LATS2: variants seen among roughly 807,000 people sequenced by gnomAD.
LATS2 encodes serine/threonine-protein kinase LATS2.
A neutral mutation model predicts 76.0 loss-of-function variants in LATS2; 24 were observed. The observed-to-expected ratio is 0.32, with a 90% confidence interval of 0.23 to 0.44. The LOEUF (loss-of-function observed/expected upper bound fraction) is 0.44. Ranked by LOEUF, LATS2 falls within the 20% of genes least tolerant of loss-of-function variation. LATS2 has a pLI of 1.00. For synonymous variants in LATS2, 692 were observed against 635.4 expected (o/e 1.09, Z -1.34); for missense variants, 1,286 against 1,481.2 (o/e 0.87, Z 2.16).
At chr13:21,054,719 A>T (rs1873394232) in intron 1 of LATS2, among the ~76,000 whole-genome samples, 1 of 93,494 alleles carries the variant, frequency 1.1e-5, no homozygotes, top group South Asian at 5.3e-4. Context: ...AAGAAATACT[A>T]AGTGGCCGTG....
rs1419231410 is a variant in LATS2, at chr13:21,058,407, A to T, written c.-205+2939T>A. ...TTCCTCTGTTTATGGTCAATTTATC[A>T]GCTTCAATCCCCACCCTACCCCACC... On this transcript the variant is annotated intron_variant, in intron 1 of 7. Transcript: ENST00000382592. Among the ~76,000 whole-genome samples, 5 of 152,234 alleles carry T rather than the reference A, an allele frequency of 3.3e-5. No individual in the cohort carries two copies. The East Asian group carries it at 9.6e-4, about 29-fold the overall frequency.
At chr13:21,053,052 C>T (rs1038191081) in intron 1 of LATS2, among the ~76,000 whole-genome samples, 2 of 151,902 alleles carry the variant, frequency 1.3e-5, no homozygotes, top group African/African-American at 4.8e-5. Context: ...CTGGCCAACA[C>T]GGTGAAACCC....
At chr13:21,016,294 A>AT (rs991586365) in intron 2 of LATS2, among the ~76,000 whole-genome samples, 87 of 145,682 alleles carry the variant, frequency 6.0e-4, no homozygotes, top group Middle Eastern at 8.3e-3. Flanking sequence ...GCCTATTTTT[A>AT]TTTTTTTTGA....
At chr13:21,011,292 G>T (rs922292294) in intron 2 of LATS2, among the ~76,000 whole-genome samples, 2 of 152,204 alleles carry the variant, frequency 1.3e-5, no homozygotes, top group Non-Finnish European at 2.9e-5. Flanking sequence ...TCAACTTCTG[G>T]ATGAAAGTTG....
At chr13:21,009,287 T>C (rs925152397) in intron 2 of LATS2, among the ~76,000 whole-genome samples, 1 of 152,200 alleles carries the variant, frequency 6.6e-6, no homozygotes, top group South Asian at 2.1e-4. Context: ...ATGCTGCACA[T>C]TCAACCCGGA....
chr13:21,006,151 G>T (rs1276430939), intron 2 of LATS2, among the ~76,000 whole-genome samples: 4 of 149,450 alleles, frequency 2.7e-5, no homozygotes. Context: ...AAAAAAGAAA[G>T]AAAGAAAAGG....
chr13:21,039,103 G>A (rs111993526), intron 2 of LATS2, among the ~76,000 whole-genome samples: 7 of 152,262 alleles, frequency 4.6e-5, no homozygotes, highest in South Asian at 2.1e-4. Context: ...GGTATGTGGT[G>A]TGCCTTCTGG....
chr13:21,048,227 G>C (rs552663038), intron 1 of LATS2, among the ~76,000 whole-genome samples: 17 of 152,334 alleles, frequency 1.1e-4, no homozygotes, highest in African/African-American at 4.1e-4. Context: ...AAACGGAGAG[G>C]TTCTCAAGGT....
intron 2 of LATS2, among the ~76,000 whole-genome samples, chr13:21,041,785 A>C (rs1012220730): frequency 1.1e-4 from 17 of 152,146 alleles, no homozygotes; most frequent in African/African-American, 3.9e-4. Flanking sequence ...CCAGGGGGCC[A>C]TGGGCCTCCC....
intron 6 of LATS2, among the ~76,000 whole-genome samples, chr13:20,980,518 G>A (rs911770402): frequency 3.3e-5 from 5 of 152,184 alleles, no homozygotes; most frequent in African/African-American, 1.2e-4. Context: ...AGCTGCATAT[G>A]CCAGGGTAGC....
In LATS2 at chr13:20,991,971, CAG is replaced by C. The variant is rs1418968900; in HGVS notation, c.343-569_343-568del. 4.6e-5 allele frequency among the ~76,000 whole-genome samples: 7 copies of C among 152,154 alleles called. No homozygotes were observed. The East Asian group carries it at 5.8e-4, about 13-fold the overall frequency. ...CGTAGAAGAAAGAAAGGAGACAAAA[CAG>C]GGGCCCATGGAGCCACACCGGTCCA... On this transcript the variant is annotated intron_variant, in intron 2 of 7. Coordinates refer to ENST00000382592, the MANE Select transcript of LATS2 (RefSeq NM_014572.3). The surrounding 1 kb of genome is among the most constrained non-coding windows in gnomAD (Gnocchi z 4.9).
At chr13:21,058,610 T>C (rs1196150918) in intron 1 of LATS2, among the ~76,000 whole-genome samples, 2 of 152,238 alleles carry the variant, frequency 1.3e-5, no homozygotes, top group Non-Finnish European at 2.9e-5. Context: ...TCAAACTCGA[T>C]GGAGAAGCCA....
intron 2 of LATS2, among the ~76,000 whole-genome samples, chr13:21,006,079 G>A (rs1318500513): frequency 6.6e-6 from 1 of 152,076 alleles, no homozygotes; most frequent in African/African-American, 2.4e-5. Flanking sequence ...AGAGGTTGCG[G>A]TGGGCCAATA....
chr13:21,038,906 C>A (rs920308638), intron 2 of LATS2, among the ~76,000 whole-genome samples: 1 of 152,068 alleles, frequency 6.6e-6, no homozygotes, highest in African/African-American at 2.4e-5. Flanking sequence ...CTTGAACCCG[C>A]GAGGCGGAGG....
At chr13:21,044,973 T>C (rs1194617054) in intron 2 of LATS2, among the ~76,000 whole-genome samples, 8 of 152,078 alleles carry the variant, frequency 5.3e-5, no homozygotes, top group African/African-American at 1.9e-4. Flanking sequence ...AGTGATCTTC[T>C]TGACTGGCCT....
chr13:21,024,714 G>A (rs139526133), intron 2 of LATS2, among the ~76,000 whole-genome samples: 218 of 148,682 alleles, frequency 1.5e-3, no homozygotes, highest in African/African-American at 5.2e-3. Flanking sequence ...AAGTACTGAT[G>A]TTAAAAGATG....
chr13:21,057,177 T>C (rs1411140058), intron 1 of LATS2, among the ~76,000 whole-genome samples: 2 of 152,192 alleles, frequency 1.3e-5, no homozygotes, highest in Non-Finnish European at 2.9e-5. Flanking sequence ...CCATCCTAAC[T>C]GATCAAGGGT....
intron 2 of LATS2, among the ~76,000 whole-genome samples, chr13:21,032,797 C>A (rs1383776574): frequency 6.6e-6 from 1 of 152,088 alleles, no homozygotes; most frequent in Admixed American, 6.6e-5. Context: ...CGTAGAAGGC[C>A]ACAAGGATGG....
At chr13:21,022,458 G>A (rs992608589) in intron 2 of LATS2, among the ~76,000 whole-genome samples, 3 of 152,156 alleles carry the variant, frequency 2.0e-5, no homozygotes, top group Admixed American at 1.3e-4. Flanking sequence ...TCTCACTTTT[G>A]TACTGCACGG....
Sources: gnomAD v4.1 joint callset for allele counts (sites outside exome capture counted in the v4.1 genomes callset) on GRCh38, gnomAD v4.1.1 for gene constraint, Gnocchi (gnomAD v3.1) non-coding constraint, MANE v1.5 for transcripts, NCBI Gene and HGNC (gene_info 2026-07-23, HGNC 2026-07-21) for gene names.